Variants in IQCK observed in about 807,000 individuals in gnomAD.
The protein encoded by IQCK is IQ domain-containing protein K.
Under a neutral mutation model 28.1 loss-of-function variants are expected in IQCK, and 29 were observed. The ratio of observed to expected loss-of-function variants is 1.03; its 90% CI spans 0.77 to 1.41. The LOEUF (loss-of-function observed/expected upper bound fraction) is 1.41. Among genes scored for constraint, IQCK ranks in the 40% most tolerant of loss-of-function variants. The pLI is 0.00. For synonymous variants in IQCK, 113 were observed against 115.1 expected, an observed-to-expected ratio of 0.98 and a Z score of 0.12; for missense variants, 359 against 314.7, an observed-to-expected ratio of 1.14 and a Z score of -1.07.
intron 7 of IQCK, among the ~76,000 whole-genome samples, chr16:19,822,086 A>G (rs1459759957): frequency 1.3e-5 from 2 of 148,170 alleles, no homozygotes; most frequent in South Asian, 2.1e-4. Context: ...AAAAAAAACA[A>G]AAAAAAAAAC....
At chr16:19,741,743 T>C in intron 4 of IQCK, among the ~76,000 whole-genome samples, 1 of 152,308 alleles carries the variant, frequency 6.6e-6, no homozygotes, top group Non-Finnish European at 1.5e-5. Flanking sequence ...TCCCACCACT[T>C]AGAGAGGCCG....
chr16:19,749,778 A>AAAAAAG (rs1555515496), intron 4 of IQCK, among the ~76,000 whole-genome samples: 1 of 151,974 alleles, frequency 6.6e-6, no homozygotes, highest in African/African-American at 2.4e-5. Context: ...AAGGAAAAAA[A>AAAAAAG]AAAAAGAAAA....
At chr16:19,738,307 C>A (rs1033764893) in intron 4 of IQCK, among the ~76,000 whole-genome samples, 6 of 152,144 alleles carry the variant, frequency 3.9e-5, no homozygotes, top group African/African-American at 1.2e-4. Flanking sequence ...TTGGACTCAT[C>A]CCTGGAGAAA....
intron 7 of IQCK, among the ~76,000 whole-genome samples, chr16:19,798,223 G>GT (rs2055713263): frequency 1.8e-5 from 1 of 56,800 alleles, no homozygotes; most frequent in Non-Finnish European, 2.5e-5. Flanking sequence ...TTGGAGACCA[G>GT]CCTGGCCAAC....
At chr16:19,851,069 C>T (rs2056475649) in intron 9 of IQCK, among the ~76,000 whole-genome samples, 7 of 152,194 alleles carry the variant, frequency 4.6e-5, no homozygotes, top group Admixed American at 4.6e-4. Flanking sequence ...AAGTGCCTAA[C>T]TCTGGGTCAG....
Position 19,850,039 on chromosome 16 carries a change from A to G in IQCK, c.803-6448A>G, listed in dbSNP as rs961918578. Among the ~76,000 whole-genome samples, 4 of 152,186 alleles carry G rather than the reference A, an allele frequency of 2.6e-5. No homozygotes were observed. In the East Asian group the frequency reaches 5.8e-4, roughly 22 times the overall value. On this transcript the variant is annotated intron_variant, in intron 9 of 9. Coordinates refer to the IQCK transcript ENST00000320394. ...TGTTTTTACACTTTGCCAAAACATCATGTTTTTATGGCTTCATTATATTAC... is the reference window on the plus strand; with the variant it reads ...TGTTTTTACACTTTGCCAAAACATCGTGTTTTTATGGCTTCATTATATTAC...
intron 1 of IQCK, among the ~76,000 whole-genome samples, chr16:19,729,099 G>A (rs1057179443): frequency 6.6e-6 from 1 of 152,044 alleles, no homozygotes; most frequent in Non-Finnish European, 1.5e-5. Context: ...GTCAGTCATG[G>A]TTGTTGCAAC....
rs182601114 is a variant in IQCK at position 19,752,764 on chromosome 16, A to G, written c.475-11084A>G. Among the ~76,000 whole-genome samples, 4 of 152,142 alleles carry G rather than the reference A, an allele frequency of 2.6e-5. No homozygotes were observed. In the East Asian group the frequency reaches 7.8e-4, roughly 30 times the overall value. ...TTTTTTGTAGAGATGGGGCTTTGCC[A>G]TGTTGGCCAGGCTGGTCTCGAATTT... On this transcript the variant is annotated intron_variant, in intron 4 of 7. Transcript: ENST00000564186.
chr16:19,724,111 C>G (rs1977581231), intron 1 of IQCK, among the ~76,000 whole-genome samples: 2 of 152,166 alleles, frequency 1.3e-5, no homozygotes, highest in Admixed American at 6.5e-5. Flanking sequence ...AACTATTCCT[C>G]CAGTGCACCA....
At chr16:19,723,518 T>C (rs1396966620) in intron 1 of IQCK, among the ~76,000 whole-genome samples, 1 of 152,142 alleles carries the variant, frequency 6.6e-6, no homozygotes, top group Non-Finnish European at 1.5e-5. Context: ...GTTAGGAAAC[T>C]TGCCCAAAGT....
chr16:19,808,562 A>G (rs2055861336), intron 7 of IQCK, among the ~76,000 whole-genome samples: 1 of 152,212 alleles, frequency 6.6e-6, no homozygotes, highest in African/African-American at 2.4e-5. Context: ...GAGGCTGATA[A>G]TAATAAGGAA....
intron 7 of IQCK, among the ~76,000 whole-genome samples, chr16:19,817,307 C>G (rs1403647759): frequency 6.6e-6 from 1 of 152,100 alleles, no homozygotes; most frequent in Non-Finnish European, 1.5e-5. Context: ...CTGATTGGCA[C>G]AACTACTGCC....
At chr16:19,729,982 G>A (rs898898686) in intron 1 of IQCK, among the ~76,000 whole-genome samples, 13 of 150,282 alleles carry the variant, frequency 8.7e-5, no homozygotes, top group African/African-American at 2.9e-4. Context: ...AGATAGTCTC[G>A]CTCTTGTCTT....
intron 9 of IQCK, among the ~76,000 whole-genome samples, chr16:19,855,747 A>G (rs905791452): frequency 3.3e-5 from 5 of 152,112 alleles, no homozygotes; most frequent in East Asian, 1.9e-4. Flanking sequence ...TACCAGAACA[A>G]TGCTCTCCAC....
At chr16:19,783,976 A>T (rs2151729038) in intron 6 of IQCK, among the ~76,000 whole-genome samples, 1 of 151,950 alleles carries the variant, frequency 6.6e-6, no homozygotes, top group Non-Finnish European at 1.5e-5. Context: ...GAATACTGTT[A>T]CTTTGAGGAT....
intron 7 of IQCK, among the ~76,000 whole-genome samples, chr16:19,822,385 CA>C (rs1216507836): frequency 1.4e-3 from 87 of 61,170 alleles, no homozygotes; most frequent in Admixed American, 1.9e-3. Context: ...GACTCTGTCT[CA>C]AAAAAAAAAA....
chr16:19,803,513 T>C (rs1328484945), intron 7 of IQCK, among the ~76,000 whole-genome samples: 1 of 152,168 alleles, frequency 6.6e-6, no homozygotes, highest in African/African-American at 2.4e-5. Context: ...CACTGATGTA[T>C]TGGAATTGAC....
At chr16:19,729,217 C>G (rs1483072719) in intron 1 of IQCK, among the ~76,000 whole-genome samples, 1 of 152,152 alleles carries the variant, frequency 6.6e-6, no homozygotes, top group Non-Finnish European at 1.5e-5. Context: ...AAGTGATTCT[C>G]CTGCCTCAGC....
intron 6 of IQCK, among the ~76,000 whole-genome samples, chr16:19,784,078 A>G (rs1182698053): frequency 6.6e-6 from 1 of 152,208 alleles, no homozygotes; most frequent in Non-Finnish European, 1.5e-5. Context: ...AACACAAGTG[A>G]CAAACTCTAC....
Sources: allele counts gnomAD v4.1 joint callset (sites outside exome capture counted in the v4.1 genomes callset), GRCh38; gene constraint gnomAD v4.1.1; transcripts MANE v1.5; gene names NCBI Gene and HGNC (gene_info 2026-07-23, HGNC 2026-07-21).